XKR5: variants seen among roughly 807,000 people sequenced by gnomAD.
XKR5 encodes XK related 5, also known as XK-related protein 5.
Under a neutral mutation model 40.8 loss-of-function variants are expected in XKR5, and 46 were observed. That is an observed-to-expected ratio of 1.13 (90% confidence interval 0.89 to 1.44). XKR5 has a LOEUF of 1.44. XKR5 is among the 40% of genes most tolerant of loss of function. XKR5 has a pLI of 0.00. For missense variants in XKR5, 1,169 were observed against 844.7 expected (o/e 1.38, Z -4.76); for synonymous variants, 466 against 356.1 (o/e 1.31, Z -3.48).
intron 2 of XKR5, 107 bp downstream of exon 2, chr8:6,832,610 A>G (rs985435519): frequency 3.5e-6 from 5 of 1,444,568 alleles, no homozygotes; most frequent in Non-Finnish European, 4.8e-6. Context: ...CCTCTTCCCA[A>G]TGCTGAACTT....
At position 6,821,981 on chromosome 8, in the gene XKR5, T is replaced by G. The variant is rs778902303; in HGVS notation, c.695A>C (p.Asp232Ala). 1 of 1,607,270 alleles carries G rather than the reference T, an allele frequency of 6.2e-7. No homozygotes were observed. Among genetic ancestry groups the G allele is most frequent in the Non-Finnish European group, 8.5e-7 (1 of 1,176,946 alleles). ...WLVAQQSDII[D>A]STCHWRLFNL... ...GAACAGCCTCCAGTGGCAGGTGCTG[T>G]CGATGATGTCACTCTGCTGGGCGAC... The change falls in exon 5 of 7, where the codon GAC (aspartate) becomes GCC (alanine). Residue 232 changes from aspartate to alanine, a missense_variant. Asp to Ala is a moderately radical substitution (Grantham distance 126, BLOSUM62 -2). Coordinates refer to ENST00000618742, the MANE Select transcript of XKR5 (RefSeq NM_207411.5).
chr8:6,829,658 G>T (rs982155361), intron 2 of XKR5, among the ~76,000 whole-genome samples: 7 of 152,126 alleles, frequency 4.6e-5, no homozygotes, highest in African/African-American at 7.2e-5. Context: ...TGGCATTACA[G>T]GTGTGCGTGA....
rs747280984 is a variant in XKR5, at chr8:6,815,851, G to C, written c.875C>G (p.Thr292Ser). ...GACCCCAGCTATGGTCTGCAGGCTG[G>C]TCCACGATGCCCCCTGGAGAAAGTC... ...ATDFLQGASW[T>S]SLQTIAGVLS... The change falls in exon 6 of 7, where the codon ACC (threonine) becomes AGC (serine). Residue 292 changes from threonine (T) to serine (S), a missense_variant. Transcript: ENST00000618742. The C allele has an allele frequency of 1.1e-5, 17 of 1,605,702 alleles. No individual in the cohort carries two copies. Among genetic ancestry groups the C allele is most frequent in the Admixed American group, 8.5e-5 (5 of 59,008 alleles).
chr8:6,834,770 T>C (rs1000479917), intron 1 of XKR5, among the ~76,000 whole-genome samples: 2 of 145,284 alleles, frequency 1.4e-5, no homozygotes, highest in Non-Finnish European at 2.9e-5. Context: ...GAGTTACGCG[T>C]TCAAACCAGA....
At chr8:6,817,342 T>C (rs942284086) in intron 5 of XKR5, among the ~76,000 whole-genome samples, 4 of 152,132 alleles carry the variant, frequency 2.6e-5, no homozygotes, top group Non-Finnish European at 5.9e-5. Flanking sequence ...TTTTCCTTTC[T>C]GGGGTCATCT....
chr8:6,830,083 T>C (rs140329134), intron 2 of XKR5, among the ~76,000 whole-genome samples: 4 of 152,082 alleles, frequency 2.6e-5, no homozygotes, highest in Admixed American at 6.5e-5. Context: ...GTGATCCGCC[T>C]GCCTCGGCCT....
chr8:6,829,923 C>T (rs564531259), intron 2 of XKR5, among the ~76,000 whole-genome samples: 59 of 149,922 alleles, frequency 3.9e-4, no homozygotes, highest in Non-Finnish European at 8.1e-4. Context: ...CTGCAAGTTC[C>T]GCCTAACGGG....
chr8:6,814,017 G>A (rs917817066), intron 6 of XKR5, among the ~76,000 whole-genome samples: 2 of 152,124 alleles, frequency 1.3e-5, no homozygotes, highest in East Asian at 1.9e-4. Flanking sequence ...TAGACCTCCC[G>A]GCCGGCAAGG....
chr8:6,815,741 C>T, intron 6 of XKR5, 66 bp downstream of exon 6: 2 of 1,134,918 alleles, frequency 1.8e-6, no homozygotes, highest in South Asian at 1.4e-5. Flanking sequence ...ACCCTTTGAG[C>T]CCATTGTAAA....
At chr8:6,829,859 A>G (rs1380758574) in intron 2 of XKR5, among the ~76,000 whole-genome samples, 1 of 87,442 alleles carries the variant, frequency 1.1e-5, no homozygotes, top group Non-Finnish European at 2.0e-5. Flanking sequence ...TTTTTTTGAG[A>G]CGGAGTCTCG....
chr8:6,826,457 G>T (rs1007621724), intron 2 of XKR5, among the ~76,000 whole-genome samples: 1 of 152,090 alleles, frequency 6.6e-6, no homozygotes, highest in African/African-American at 2.4e-5. Context: ...GGAAAGTAGG[G>T]AGCAGGTGCA....
At chr8:6,828,884 A>G (rs1804636108) in intron 2 of XKR5, among the ~76,000 whole-genome samples, 1 of 152,216 alleles carries the variant, frequency 6.6e-6, no homozygotes, top group African/African-American at 2.4e-5. Context: ...ATCTCCTGCC[A>G]CATTCCTGCC....
chr8:6,815,756 A>G lies in XKR5; in HGVS notation c.919+51T>C, dbSNP rs560686068. The G allele has an allele frequency of 4.6e-5, 63 of 1,371,016 alleles. No homozygotes were observed. In the South Asian group the frequency reaches 7.6e-4, roughly 16 times the overall value. The allele number at this position is 1,371,016 out of a possible 1,614,324, so 84.9% of individuals were successfully genotyped here. On this transcript the variant is annotated intron_variant, in intron 6 of 6. Transcript: ENST00000618742. Reference sequence around the variant, plus strand: ...ACCCTTTGAGCCCATTGTAAAAAAAAAAAATACGTTGGGGAGGGGATGCAG... The same window carrying G: ...ACCCTTTGAGCCCATTGTAAAAAAAGAAAATACGTTGGGGAGGGGATGCAG...
At chr8:6,822,651 A>C (rs1472704616) in intron 4 of XKR5, among the ~76,000 whole-genome samples, 1 of 152,238 alleles carries the variant, frequency 6.6e-6, no homozygotes, top group Non-Finnish European at 1.5e-5. Flanking sequence ...AATTCTCTTA[A>C]AACAAGAGTA....
Position 6,808,814 on chromosome 8 carries a change from T to C in XKR5, c.*2384A>G, listed in dbSNP as rs1803550095. 1 of 152,162 alleles carries C rather than the reference T, an allele frequency of 6.6e-6. No individual in the cohort carries two copies. Among genetic ancestry groups the C allele is most frequent in the South Asian group, 2.1e-4 (1 of 4,822 alleles). The allele number at this position is 152,162 out of a possible 1,614,324, so 9.4% of individuals were successfully genotyped here. ...GAAAAGAATGAGCAAATTCCCCATA[T>C]CCCACCCTTACTTTTACCCCATAAC... On this transcript the variant is annotated 3_prime_UTR_variant, in exon 7 of 7. Coordinates refer to ENST00000618742, the MANE Select transcript of XKR5 (RefSeq NM_207411.5).
chr8:6,827,675 C>T (rs193026880), intron 2 of XKR5, among the ~76,000 whole-genome samples: 73 of 152,260 alleles, frequency 4.8e-4, no homozygotes, highest in Admixed American at 3.7e-3. Flanking sequence ...TCTTTTCACT[C>T]TCAAATCATT....
At chr8:6,823,942 G>C (rs1360145942) in intron 3 of XKR5, among the ~76,000 whole-genome samples, 1 of 152,190 alleles carries the variant, frequency 6.6e-6, no homozygotes, top group Non-Finnish European at 1.5e-5. Context: ...GGAAGAAATG[G>C]GGATATGCAG....
At chr8:6,820,117 G>C (rs1371084990) in intron 5 of XKR5, among the ~76,000 whole-genome samples, 1 of 152,224 alleles carries the variant, frequency 6.6e-6, no homozygotes, top group Non-Finnish European at 1.5e-5. Flanking sequence ...GTTCAGAACC[G>C]AAGGATCCTG....
rs1803550021 is a variant in XKR5, at chr8:6,808,813, A to G, written c.*2385T>C. On this transcript the variant is annotated 3_prime_UTR_variant, in exon 7 of 7. Transcript: ENST00000618742. ...TGAAAAGAATGAGCAAATTCCCCAT[A>G]TCCCACCCTTACTTTTACCCCATAA... 1 of 152,162 alleles carries G rather than the reference A, an allele frequency of 6.6e-6. No individual in the cohort carries two copies. Among genetic ancestry groups the G allele is most frequent in the Non-Finnish European group, 1.5e-5 (1 of 68,028 alleles). 9.4% of individuals were successfully genotyped at this position (152,162 alleles called of 1,614,324 possible). A position where few individuals can be genotyped will look rare whatever the true frequency, so the allele number is the denominator to read the frequency against.
Sources: allele counts gnomAD v4.1 joint callset (sites outside exome capture counted in the v4.1 genomes callset), GRCh38; gene constraint gnomAD v4.1.1; transcripts MANE v1.5; gene names NCBI Gene and HGNC (gene_info 2026-07-23, HGNC 2026-07-21).